GRM3: variants seen among roughly 807,000 people sequenced by gnomAD.
The protein encoded by GRM3 is glutamate metabotropic receptor 3.
A neutral mutation model predicts 70.5 loss-of-function variants in GRM3; 26 were observed. The observed-to-expected ratio is 0.37, with a 90% CI of 0.27 to 0.51. The LOEUF (loss-of-function observed/expected upper bound fraction) is 0.51. GRM3 is among the 20% of genes least tolerant of loss of function. The pLI is 0.93. For synonymous variants in GRM3, 443 were observed against 434.9 expected, an observed-to-expected ratio of 1.02 and a Z score of -0.23; for missense variants, 859 against 1,123.8, an observed-to-expected ratio of 0.76 and a Z score of 3.37.
chr7:86,750,693 T>C (rs750141430), intron 1 of GRM3, among the ~76,000 whole-genome samples: 3 of 148,802 alleles, frequency 2.0e-5, no homozygotes, highest in Non-Finnish European at 4.4e-5. Flanking sequence ...CTAAAGTAGA[T>C]TAAAAAAAAA....
At chr7:86,827,595 C>G (rs545485111) in intron 3 of GRM3, among the ~76,000 whole-genome samples, 59 of 151,944 alleles carry the variant, frequency 3.9e-4, no homozygotes, top group African/African-American at 1.3e-3. Flanking sequence ...CTCATTGCAA[C>G]CTCTGCCTCC....
rs1268656667 is a variant in GRM3 at position 86,731,223 on chromosome 7, CT to C, written c.-140-33779del. Among the ~76,000 whole-genome samples the C allele has an allele frequency of 1.0e-3, 153 of 152,206 alleles. 1 individual carries two copies. The highest frequency in any genetic ancestry group is 3.4e-3 in the African/African-American group (141 of 41,512). On this transcript the variant is annotated intron_variant, in intron 1 of 5. Coordinates refer to ENST00000361669, the MANE Select transcript of GRM3 (RefSeq NM_000840.3). ...TCTACTACTGAATTCATCATATTAC[CT>C]TTTCCTTTCTCAAACAAGCTCCTCC...
At chr7:86,756,224 A>G (rs1016398825) in intron 1 of GRM3, among the ~76,000 whole-genome samples, 1 of 152,094 alleles carries the variant, frequency 6.6e-6, no homozygotes, top group Admixed American at 6.6e-5. Flanking sequence ...GATTACAGGC[A>G]CACACCACCA....
chr7:86,731,611 A>G (rs573323438), intron 1 of GRM3, among the ~76,000 whole-genome samples: 1 of 152,228 alleles, frequency 6.6e-6, no homozygotes, highest in South Asian at 2.1e-4. Flanking sequence ...TAATTTTCTT[A>G]TTTAAAAATA....
intron 3 of GRM3, among the ~76,000 whole-genome samples, chr7:86,797,658 A>G (rs550594973): frequency 6.6e-6 from 1 of 152,370 alleles, no homozygotes. Context: ...CCCATTTTCT[A>G]AAGAGAAGTT....
Position 86,644,496 on chromosome 7 carries a change from G to A in GRM3, c.-517G>A, listed in dbSNP as rs1793404000. On this transcript the variant is annotated 5_prime_UTR_variant, in exon 1 of 6. Transcript: ENST00000361669. Reference sequence around the variant, plus strand: ...AAGGAGGAGGGGACTCGGCTGGGAAGAGCTCCCCTCCCCTCCGCGGAAGAC... The same window carrying A: ...AAGGAGGAGGGGACTCGGCTGGGAAAAGCTCCCCTCCCCTCCGCGGAAGAC... The A allele has an allele frequency of 5.6e-6, 2 of 356,018 alleles. No homozygotes were observed. The highest frequency in any genetic ancestry group is 2.1e-5 in the African/African-American group (1 of 46,584). The allele number at this position is 356,018 out of a possible 1,614,324, so 22.1% of individuals were successfully genotyped here.
rs1185935664 is a variant in GRM3, at chr7:86,839,561, A to T, written c.2047A>T (p.Ile683Phe). ...GAATGGCGCTCAGAGGCCAAAATTCATCAGCCCCAGTTCTCAGGTTTTCAT... is the reference window on the plus strand; with the variant it reads ...GAATGGCGCTCAGAGGCCAAAATTCTTCAGCCCCAGTTCTCAGGTTTTCAT... Reference protein sequence around the residue: ...VKNGAQRPKFISPSSQVFICL... With the variant: ...VKNGAQRPKFFSPSSQVFICL... Residue 683 changes from isoleucine to phenylalanine, a missense_variant, in exon 4 of 6, where the codon ATC becomes TTC. Transcript: ENST00000361669. The surrounding 1 kb of genome is among the most constrained non-coding windows in gnomAD (Gnocchi z 4.5). 6.2e-7 allele frequency: 1 copy of T among 1,609,852 alleles called. No individual in the cohort carries two copies. Among genetic ancestry groups the T allele is most frequent in the African/African-American group, 1.3e-5 (1 of 74,704 alleles).
At chr7:86,711,501 T>G (rs1795199449) in intron 1 of GRM3, among the ~76,000 whole-genome samples, 1 of 152,078 alleles carries the variant, frequency 6.6e-6, no homozygotes, top group African/African-American at 2.4e-5. Context: ...CTTTTTACTT[T>G]CTCTTGTAGT....
intron 4 of GRM3, among the ~76,000 whole-genome samples, chr7:86,843,326 A>C (rs1324088300): frequency 1.3e-5 from 2 of 152,170 alleles, no homozygotes; most frequent in Admixed American, 6.6e-5. Flanking sequence ...ATTCAAATCC[A>C]TGCCCTTCAT....
chr7:86,785,685 A>ATTTTTTTTTTT lies in GRM3; in HGVS notation c.469-553_469-543dup, dbSNP rs749456155. Among the ~76,000 whole-genome samples, 30 of 65,234 alleles carry ATTTTTTTTTTT rather than the reference A, an allele frequency of 4.6e-4. 2 individuals carry two copies. The highest frequency in any genetic ancestry group is 8.9e-4 in the African/African-American group (16 of 18,000). The allele number at this position is 65,234 out of a possible 152,430, so 42.8% of individuals were successfully genotyped here. A position where few individuals can be genotyped will look rare whatever the true frequency, so the allele number is the denominator to read the frequency against. Reference sequence around the variant, plus strand: ...TTGGGTGGTGGACTAAATAGAATTGATTTTTTTTTTTTTTTTTTTTTTTTT... The same window carrying ATTTTTTTTTTT: ...TTGGGTGGTGGACTAAATAGAATTGATTTTTTTTTTTTTTTTTTTTTTTTTTTTTTTTTTTT... On this transcript the variant is annotated intron_variant, in intron 2 of 5. Transcript: ENST00000361669.
At chr7:86,656,738 G>T (rs745516836) in intron 1 of GRM3, among the ~76,000 whole-genome samples, 1 of 151,974 alleles carries the variant, frequency 6.6e-6, no homozygotes, top group Non-Finnish European at 1.5e-5. Context: ...CTCATTGAAT[G>T]TATGAGTGTA....
intron 3 of GRM3, among the ~76,000 whole-genome samples, chr7:86,813,252 G>C (rs1797948942): frequency 6.6e-6 from 1 of 151,632 alleles, no homozygotes; most frequent in Non-Finnish European, 1.5e-5. Context: ...CTGTCTCTAA[G>C]GGCCTAACTC....
intron 3 of GRM3, among the ~76,000 whole-genome samples, chr7:86,798,827 G>A (rs1562868025): frequency 6.6e-6 from 1 of 152,218 alleles, no homozygotes; most frequent in African/African-American, 2.4e-5. Context: ...GACCCAGTGG[G>A]AGGTAATTGA....
rs140881074 is a variant in GRM3 at position 86,761,236 on chromosome 7, G to A, written c.-140-3770G>A. Among the ~76,000 whole-genome samples the A allele has an allele frequency of 3.3e-3, 506 of 152,248 alleles. 4 individuals carry two copies. Among genetic ancestry groups the A allele is most frequent in the African/African-American group, 0.011 (473 of 41,562 alleles). On this transcript the variant is annotated intron_variant, in intron 1 of 5. Coordinates refer to ENST00000361669, the MANE Select transcript of GRM3 (RefSeq NM_000840.3). ...TTCAATAAATATTTCATAAGTGAAT[G>A]TGTCTCTGAGGCTTTGAGATAGAAG...
chr7:86,768,394 A>G (rs1183686346), intron 2 of GRM3, among the ~76,000 whole-genome samples: 1 of 152,178 alleles, frequency 6.6e-6, no homozygotes, highest in African/African-American at 2.4e-5. Context: ...TTAAGCTCCT[A>G]CTGTGTGCAC....
intron 3 of GRM3, among the ~76,000 whole-genome samples, chr7:86,809,584 T>G (rs1797868756): frequency 6.6e-6 from 1 of 152,094 alleles, no homozygotes; most frequent in South Asian, 2.1e-4. Flanking sequence ...AATTTATTAT[T>G]AATGATAGGA....
chr7:86,787,069 A>G lies in GRM3; in HGVS notation c.1277A>G (p.Asp426Gly). ...TKLCDAMKIL[D>G]GKKLYKDYLL... is the part of the protein sequence containing the mutation. Reference sequence around the variant, plus strand: ...CTTTGTGATGCTATGAAGATCCTGGATGGGAAGAAGTTGTACAAGGATTAC... The same window carrying G: ...CTTTGTGATGCTATGAAGATCCTGGGTGGGAAGAAGTTGTACAAGGATTAC... Residue 426 changes from aspartate to glycine, a missense_variant, in exon 3 of 6, where the codon GAT becomes GGT. Transcript: ENST00000361669. The G allele has an allele frequency of 6.2e-7, 1 of 1,612,338 alleles. No individual in the cohort carries two copies. The highest frequency in any genetic ancestry group is 8.5e-7 in the Non-Finnish European group (1 of 1,179,050).
intron 1 of GRM3, among the ~76,000 whole-genome samples, chr7:86,724,465 C>T (rs917071): frequency 0.4 from 60,828 of 151,912 alleles, 15,081 homozygotes; most frequent in African/African-American, 0.71. Context: ...TTCCATATTG[C>T]AGAGTTGTTT....
In GRM3 at chr7:86,663,568, C is replaced by A. The variant is rs146019364; in HGVS notation, c.-141+18696C>A. ...ATGGATTCTGCAGGAAAACTTGGGT[C>A]AAAAGAGAATTTATAAATATTTATT... is the stretch of plus-strand genomic sequence containing the variant. On this transcript the variant is annotated intron_variant, in intron 1 of 5. Coordinates refer to ENST00000361669, the MANE Select transcript of GRM3 (RefSeq NM_000840.3). 4.2e-4 allele frequency among the ~76,000 whole-genome samples: 64 copies of A among 151,952 alleles called. 1 individual carries two copies. The East Asian group carries it at 8.9e-3, about 21-fold the overall frequency.
Sources: gnomAD v4.1 joint callset for allele counts (sites outside exome capture counted in the v4.1 genomes callset) on GRCh38, gnomAD v4.1.1 for gene constraint, Gnocchi (gnomAD v3.1) non-coding constraint, MANE v1.5 for transcripts, NCBI Gene and HGNC (gene_info 2026-07-23, HGNC 2026-07-21) for gene names.